The following BAALC variants were observed in gnomAD, a reference collection of about 807,000 sequenced individuals.
BAALC encodes the protein brain and acute leukemia cytoplasmic protein.
Under a neutral mutation model 15.5 loss-of-function variants are expected in BAALC, and 9 were observed. That is an observed-to-expected ratio of 0.58 (90% CI 0.35 to 1.02). The LOEUF (loss-of-function observed/expected upper bound fraction) is 1.02, where lower values mean the gene tolerates loss of function less well. Ranked by LOEUF, BAALC falls within the 50% of genes least tolerant of loss-of-function variation. The probability of loss-of-function intolerance (pLI) is 0.02; values close to 1 mark genes in which losing one functional copy is unlikely to be tolerated. For missense variants in BAALC, 201 were observed against 192.4 expected (o/e 1.04, Z -0.27); for synonymous variants, 80 against 74.6 (o/e 1.07, Z -0.37).
At chr8:103,198,609 A>G (rs890456169) in intron 1 of BAALC, among the ~76,000 whole-genome samples, 2 of 152,132 alleles carry the variant, frequency 1.3e-5, no homozygotes, top group Admixed American at 1.3e-4. Flanking sequence ...ATAGTTTTTT[A>G]AACATAAAAG....
rs1036853546 is a variant in BAALC at position 103,196,038 on chromosome 8, A to G, written c.161-16881A>G. ...TAAGTCAAGATGGAGAATTAGGCCA[A>G]TTGGGAGAGCCTTCAGAGTAGAAGG... On this transcript the variant is annotated intron_variant, in intron 1 of 2. Transcript: ENST00000309982. 9.2e-5 allele frequency among the ~76,000 whole-genome samples: 14 copies of G among 152,244 alleles called. No individual in the cohort carries two copies. The East Asian group carries it at 1.9e-3, about 21-fold the overall frequency.
chr8:103,223,973 A>G (rs1812739084), intron 2 of BAALC, among the ~76,000 whole-genome samples: 1 of 152,178 alleles, frequency 6.6e-6, no homozygotes, highest in African/African-American at 2.4e-5. Flanking sequence ...CCTCAAAGCT[A>G]TTTAGTGACA....
chr8:103,186,963 T>G (rs192630605), intron 1 of BAALC, among the ~76,000 whole-genome samples: 162 of 152,324 alleles, frequency 1.1e-3, no homozygotes, highest in African/African-American at 3.6e-3. Context: ...ATGCCACTAC[T>G]TGTTCTCTCA....
In BAALC at chr8:103,163,253, C is replaced by A. The variant is rs75219012; in HGVS notation, c.160+22196C>A. Among the ~76,000 whole-genome samples, 117 of 152,240 alleles carry A rather than the reference C, an allele frequency of 7.7e-4. No homozygotes were observed. The East Asian group carries it at 0.02, about 27-fold the overall frequency. ...CATGATTTGTCCCATGCTCTACCCA[C>A]GTCTCTTCACGCCCTTGCCCAGTTC... On this transcript the variant is annotated intron_variant, in intron 1 of 2. Coordinates refer to ENST00000309982, the MANE Select transcript of BAALC (RefSeq NM_024812.3).
intron 1 of BAALC, among the ~76,000 whole-genome samples, chr8:103,194,969 T>C (rs1266490417): frequency 6.6e-6 from 1 of 152,176 alleles, no homozygotes; most frequent in African/African-American, 2.4e-5. Flanking sequence ...AGTTTCAACA[T>C]GAATTTTGGA....
chr8:103,152,560 G>A (rs1429769241), intron 1 of BAALC, among the ~76,000 whole-genome samples: 3 of 152,184 alleles, frequency 2.0e-5, no homozygotes, highest in Admixed American at 2.0e-4. Context: ...AGAGGTCAAG[G>A]ATCTGATGGA....
chr8:103,213,536 G>C (rs900877912), intron 2 of BAALC: 1 of 156,232 alleles, frequency 6.4e-6, no homozygotes, highest in African/African-American at 2.4e-5. Context: ...GGCCCCCAAG[G>C]GTGGCTCTCA....
chr8:103,164,604 T>C (rs1041026819), intron 1 of BAALC, among the ~76,000 whole-genome samples: 1 of 152,224 alleles, frequency 6.6e-6, no homozygotes, highest in African/African-American at 2.4e-5. Flanking sequence ...CTGAGTCTTC[T>C]ATTCCTACCA....
intron 1 of BAALC, among the ~76,000 whole-genome samples, chr8:103,171,114 G>GAA (rs1415232072): frequency 6.7e-6 from 1 of 148,470 alleles, no homozygotes; most frequent in African/African-American, 2.5e-5. Context: ...AAAAAGAAAG[G>GAA]AAAAAAGAGA....
chr8:103,186,701 T>C (rs2129989127), intron 1 of BAALC, among the ~76,000 whole-genome samples: 1 of 152,270 alleles, frequency 6.6e-6, no homozygotes, highest in Non-Finnish European at 1.5e-5. Flanking sequence ...CACTGCAATG[T>C]CCATGCCCCA....
Position 103,147,751 on chromosome 8 carries a change from G to A in BAALC, c.160+6694G>A, listed in dbSNP as rs150081314. ...CCTCCCATGTCAGGCCTACAGCCTC[G>A]AGACACTCTCAGCAGACCTTTGGCC... On this transcript the variant is annotated intron_variant, in intron 1 of 2. Transcript: ENST00000309982. Among the ~76,000 whole-genome samples the A allele has an allele frequency of 3.1e-3, 471 of 152,240 alleles. 4 individuals are homozygous for A. The highest frequency in any genetic ancestry group is 0.01 in the African/African-American group (433 of 41,530).
At chr8:103,184,426 T>C (rs1253667923) in intron 1 of BAALC, among the ~76,000 whole-genome samples, 4 of 152,218 alleles carry the variant, frequency 2.6e-5, no homozygotes, top group Admixed American at 2.0e-4. Context: ...CTGCCATTCA[T>C]TGAGCACCTT....
intron 1 of BAALC, among the ~76,000 whole-genome samples, chr8:103,211,732 C>CCTA (rs745724048): frequency 3.7e-4 from 57 of 152,308 alleles, no homozygotes; most frequent in Non-Finnish European, 7.5e-4. Flanking sequence ...TAACTCTTGG[C>CCTA]ACTATTTTCA....
At chr8:103,151,019 A>AT (rs3041482) in intron 1 of BAALC, among the ~76,000 whole-genome samples, 116 of 142,672 alleles carry the variant, frequency 8.1e-4, no homozygotes, top group South Asian at 9.0e-4. Flanking sequence ...AAAGAATTTG[A>AT]TTTTTTTTTT....
rs927760717 is a variant in BAALC at position 103,199,826 on chromosome 8, T to C, written c.161-13093T>C. Among the ~76,000 whole-genome samples the C allele has an allele frequency of 2.0e-5, 3 of 152,100 alleles. 1 individual carries two copies. Among genetic ancestry groups the C allele is most frequent in the African/African-American group, 7.2e-5 (3 of 41,504 alleles). On this transcript the variant is annotated intron_variant, in intron 1 of 2. Coordinates refer to ENST00000309982, the MANE Select transcript of BAALC (RefSeq NM_024812.3). ...CTCCCTCCCACCCTCCACCCTCCAA[T>C]AGGCCTCAGTGTGTGTTGTTTCCCC...
chr8:103,191,502 T>A (rs1295704717), intron 1 of BAALC: 2 of 152,072 alleles, frequency 1.3e-5, no homozygotes, highest in East Asian at 1.9e-4. Flanking sequence ...AACAAAGAAA[T>A]ATCAGTTTTG....
chr8:103,212,170 C>G (rs758080155), intron 1 of BAALC, among the ~76,000 whole-genome samples: 3 of 152,284 alleles, frequency 2.0e-5, no homozygotes, highest in South Asian at 2.1e-4. Context: ...ATTGGCCAAG[C>G]ATGTTATCTC....
intron 1 of BAALC, among the ~76,000 whole-genome samples, chr8:103,210,364 A>C (rs1000069622): frequency 6.6e-6 from 1 of 152,218 alleles, no homozygotes. Flanking sequence ...TCTGATTTCT[A>C]TCCCATGGTC....
At chr8:103,211,850 T>A (rs1383698702) in intron 1 of BAALC, among the ~76,000 whole-genome samples, 1 of 152,206 alleles carries the variant, frequency 6.6e-6, no homozygotes, top group African/African-American at 2.4e-5. Context: ...CCTCTATTGT[T>A]GCTGACTGGC....
Sources: allele counts gnomAD v4.1 joint callset (sites outside exome capture counted in the v4.1 genomes callset), GRCh38; gene constraint gnomAD v4.1.1; transcripts MANE v1.5; gene names NCBI Gene and HGNC (gene_info 2026-07-23, HGNC 2026-07-21).